Variants in BCAR3 observed in about 807,000 individuals in gnomAD.
BCAR3 encodes breast cancer anti-estrogen resistance protein 3.
BCAR3 carries 37 observed loss-of-function variants against 80.1 expected under a neutral mutation model. The observed-to-expected ratio is 0.46, with a 90% confidence interval of 0.36 to 0.61. The LOEUF is 0.61. Among genes scored for constraint, BCAR3 ranks in the 20% least tolerant of loss-of-function variants. The pLI, the probability that BCAR3 is intolerant of heterozygous loss-of-function variation, is 0.00. For missense variants in BCAR3, 978 were observed against 1,068.2 expected (o/e 0.92, Z 1.18); for synonymous variants, 389 against 418.9 (o/e 0.93, Z 0.87).
At chr1:93,774,145 G>A (rs992621197) in intron 2 of BCAR3, among the ~76,000 whole-genome samples, 5 of 152,094 alleles carry the variant, frequency 3.3e-5, no homozygotes, top group South Asian at 2.1e-4. Flanking sequence ...GAGAAACTAC[G>A]TAAGCCAGCA....
intron 3 of BCAR3, among the ~76,000 whole-genome samples, chr1:93,606,449 C>T (rs997510166): frequency 6.6e-6 from 1 of 152,120 alleles, no homozygotes; most frequent in Admixed American, 6.5e-5. Flanking sequence ...ATCATGAAGA[C>T]CTACTCATTA....
intron 2 of BCAR3, among the ~76,000 whole-genome samples, chr1:93,713,084 T>A (rs1650078261): frequency 6.6e-6 from 1 of 152,232 alleles, no homozygotes; most frequent in Non-Finnish European, 1.5e-5. Context: ...CCAGGAGACA[T>A]ATGTGGCTTT....
intron 2 of BCAR3, among the ~76,000 whole-genome samples, chr1:93,810,048 G>T (rs1463482406): frequency 6.6e-6 from 1 of 150,730 alleles, no homozygotes; most frequent in East Asian, 2.0e-4. Context: ...ACAAAAATTA[G>T]CAGGCATGGT....
At chr1:93,847,791 CCTTT>C (rs1395887537), upstream of BCAR3, 1 of 114,248 alleles carries the variant, frequency 8.8e-6, no homozygotes, top group African/African-American at 3.6e-5. Flanking sequence ...TTCTTGCGGT[CCTTT>C]CTTAAGCGGC....
At chr1:93,577,522 T>G (rs1673505688) in intron 7 of BCAR3, among the ~76,000 whole-genome samples, 1 of 152,142 alleles carries the variant, frequency 6.6e-6, no homozygotes, top group Non-Finnish European at 1.5e-5. Flanking sequence ...CTAACATAAC[T>G]GCTAAGTTCA....
rs371018165 is a variant in BCAR3, at chr1:93,582,421, T to A, written c.1566A>T (p.Ser522=). ...GCTTATTCTCAGGGGGAAGGAACTT[T>A]GACTCAAACTCGTTGGGCCTGAAGG... ...VSSFRPNEFE[S]KFLPPENKPL... is the part of the protein sequence containing the mutation. Residue 522 remains serine (S), a synonymous_variant, in exon 7 of 12, where the codon TCA becomes TCT. Coordinates refer to ENST00000260502, the MANE Select transcript of BCAR3 (RefSeq NM_003567.4). 27 of 1,614,180 alleles carry A rather than the reference T, an allele frequency of 1.7e-5. No individual in the cohort carries two copies. The highest frequency in any genetic ancestry group is 1.6e-4 in the Middle Eastern group (1 of 6,062).
At chr1:93,611,710 C>A (rs1440130103) in intron 3 of BCAR3, among the ~76,000 whole-genome samples, 1 of 152,190 alleles carries the variant, frequency 6.6e-6, no homozygotes, top group Non-Finnish European at 1.5e-5. Context: ...TGTAAGACCG[C>A]TGCAAATAAG....
At chr1:93,750,866 C>T (rs1340140140) in intron 2 of BCAR3, among the ~76,000 whole-genome samples, 1 of 152,192 alleles carries the variant, frequency 6.6e-6, no homozygotes, top group Admixed American at 6.5e-5. Context: ...GATGATGCCC[C>T]AGATATCGTG....
At chr1:93,720,399 G>A (rs1650352816) in intron 2 of BCAR3, 1 of 152,288 alleles carries the variant, frequency 6.6e-6, no homozygotes, top group Non-Finnish European at 1.5e-5. Flanking sequence ...TTTCCTGGCT[G>A]TGTGCTCTTG....
exon 1 of BCAR3, chr1:93,847,072 C>T (rs1202587214): frequency 7.7e-6 from 2 of 258,648 alleles, no homozygotes; most frequent in African/African-American, 4.8e-5. Flanking sequence ...CCGCTTACGT[C>T]TCGCAGCCCG....
At chr1:93,714,367 G>A (rs1650126691) in intron 2 of BCAR3, among the ~76,000 whole-genome samples, 1 of 152,204 alleles carries the variant, frequency 6.6e-6, no homozygotes, top group South Asian at 2.1e-4. Context: ...AGTCCTGGAG[G>A]TCTAGGACAC....
At chr1:93,662,527 C>T (rs1647712131) in intron 2 of BCAR3, among the ~76,000 whole-genome samples, 1 of 151,982 alleles carries the variant, frequency 6.6e-6, no homozygotes, top group South Asian at 2.1e-4. Flanking sequence ...ATTTGTCATT[C>T]ATGTATGTGA....
chr1:93,807,608 A>G (rs1327301931), intron 2 of BCAR3, among the ~76,000 whole-genome samples: 1 of 152,180 alleles, frequency 6.6e-6, no homozygotes, highest in Non-Finnish European at 1.5e-5. Flanking sequence ...GGAAGAATAG[A>G]TTAATAGTCT....
intron 2 of BCAR3, among the ~76,000 whole-genome samples, chr1:93,643,145 T>C (rs1316539308): frequency 6.6e-6 from 1 of 150,922 alleles, no homozygotes; most frequent in East Asian, 2.0e-4. Context: ...GAGAATCGCT[T>C]GAACCCAGGA....
intron 2 of BCAR3, among the ~76,000 whole-genome samples, chr1:93,718,836 C>A (rs576258953): frequency 6.6e-6 from 1 of 151,110 alleles, no homozygotes; most frequent in Non-Finnish European, 1.5e-5. Context: ...GCTGGGACTA[C>A]AGGCATGCAC....
At chr1:93,783,063 C>G (rs955205670) in intron 2 of BCAR3, among the ~76,000 whole-genome samples, 1 of 152,192 alleles carries the variant, frequency 6.6e-6, no homozygotes, top group African/African-American at 2.4e-5. Flanking sequence ...TTGACAATAT[C>G]AGAGGATGTG....
intron 2 of BCAR3, among the ~76,000 whole-genome samples, chr1:93,728,908 T>A (rs1455461378): frequency 6.6e-6 from 1 of 151,608 alleles, no homozygotes; most frequent in African/African-American, 2.4e-5. Flanking sequence ...AAAAAAAAAA[T>A]GCCTGTCCTC....
chr1:93,803,868 A>C (rs1557693692), intron 2 of BCAR3, among the ~76,000 whole-genome samples: 1 of 152,194 alleles, frequency 6.6e-6, no homozygotes, highest in Non-Finnish European at 1.5e-5. Flanking sequence ...AGTGAAGCAA[A>C]GGTGACATTC....
At chr1:93,729,151 G>A (rs6684007) in intron 2 of BCAR3, among the ~76,000 whole-genome samples, 54,988 of 151,874 alleles carry the variant, frequency 0.36, 10,287 homozygotes, top group East Asian at 0.64. Flanking sequence ...GAATGCTCTC[G>A]AAAACCATAC....
Sources: allele counts gnomAD v4.1 joint callset (sites outside exome capture counted in the v4.1 genomes callset), GRCh38; gene constraint gnomAD v4.1.1; transcripts MANE v1.5; gene names NCBI Gene and HGNC (gene_info 2026-07-23, HGNC 2026-07-21).